The following PRKG1 variants were observed in gnomAD, a reference collection of about 807,000 sequenced individuals.
PRKG1 encodes the protein protein kinase cGMP-dependent 1.
PRKG1 carries 35 observed loss-of-function variants against 88.1 expected under a neutral mutation model. That is an observed-to-expected ratio of 0.40 (90% CI 0.30 to 0.53). The LOEUF (loss-of-function observed/expected upper bound fraction) is 0.53, where lower values mean the gene tolerates loss of function less well. PRKG1 is among the 20% of genes least tolerant of loss of function. The pLI, the probability that PRKG1 is intolerant of heterozygous loss-of-function variation, is 0.59. For missense variants in PRKG1, 540 were observed against 839.8 expected (o/e 0.64, Z 4.41); for synonymous variants, 303 against 292.5 (o/e 1.04, Z -0.37).
intron 2 of PRKG1, among the ~76,000 whole-genome samples, chr10:51,405,985 A>G (rs184917992): frequency 5.3e-4 from 81 of 152,244 alleles, no homozygotes; most frequent in Admixed American, 1.0e-3. Flanking sequence ...GCAATTTACC[A>G]TGCTGTTTGT....
At chr10:51,834,607 A>T (rs1392961392) in intron 4 of PRKG1, among the ~76,000 whole-genome samples, 2 of 151,700 alleles carry the variant, frequency 1.3e-5, no homozygotes, top group African/African-American at 4.8e-5. Context: ...TGACACTGTG[A>T]TACTACACTC....
At chr10:51,740,945 C>A (rs1837418130) in intron 3 of PRKG1, among the ~76,000 whole-genome samples, 1 of 149,802 alleles carries the variant, frequency 6.7e-6, no homozygotes, top group Non-Finnish European at 1.5e-5. Flanking sequence ...AAAAAAGCAT[C>A]AAGAGATTTG....
intron 5 of PRKG1, among the ~76,000 whole-genome samples, chr10:51,977,698 AT>A (rs1843882166): frequency 6.6e-6 from 1 of 151,968 alleles, no homozygotes; most frequent in South Asian, 2.1e-4. Flanking sequence ...TGTGGTTTTC[AT>A]TTGAATTTCT....
intron 1 of PRKG1, among the ~76,000 whole-genome samples, chr10:51,045,458 G>A (rs990366520): frequency 6.6e-6 from 1 of 152,004 alleles, no homozygotes; most frequent in Non-Finnish European, 1.5e-5. Flanking sequence ...AAGTAGCTGG[G>A]ACTACAGGCA....
intron 2 of PRKG1, among the ~76,000 whole-genome samples, chr10:51,210,166 C>G (rs1481065983): frequency 6.6e-6 from 1 of 152,154 alleles, no homozygotes; most frequent in Admixed American, 6.6e-5. Flanking sequence ...GAAACTCACT[C>G]AAAACCACTC....
intron 2 of PRKG1, among the ~76,000 whole-genome samples, chr10:51,214,710 T>C (rs1322900807): frequency 2.0e-5 from 3 of 152,012 alleles, no homozygotes; most frequent in African/African-American, 7.2e-5. Context: ...ACCGCTGAGC[T>C]CAAGCAGTCC....
At chr10:51,180,504 A>G (rs573242766) in intron 2 of PRKG1, among the ~76,000 whole-genome samples, 2 of 152,378 alleles carry the variant, frequency 1.3e-5, no homozygotes, top group South Asian at 4.1e-4. Context: ...GCAGACAAAG[A>G]TACCCATTGA....
At chr10:52,226,281 C>T (rs1416852527) in intron 9 of PRKG1, among the ~76,000 whole-genome samples, 2 of 152,090 alleles carry the variant, frequency 1.3e-5, no homozygotes, top group African/African-American at 4.8e-5. Flanking sequence ...AAGTTATTTA[C>T]CACAGTCTAT....
intron 4 of PRKG1, among the ~76,000 whole-genome samples, chr10:51,860,828 T>C (rs7071872): frequency 0.098 from 14,883 of 152,180 alleles, 987 homozygotes; most frequent in African/African-American, 0.18. Context: ...GGCAGAATAA[T>C]GGAAAGCATA....
intron 9 of PRKG1, among the ~76,000 whole-genome samples, chr10:52,249,933 C>T (rs150414543): frequency 2.0e-5 from 3 of 152,280 alleles, no homozygotes; most frequent in South Asian, 2.1e-4. Context: ...TATTCAACAA[C>T]GATCTCATTA....
chr10:51,414,642 C>G (rs969574771), intron 2 of PRKG1, among the ~76,000 whole-genome samples: 16 of 152,170 alleles, frequency 1.1e-4, no homozygotes. Flanking sequence ...ATCAGCTTTA[C>G]ACCCCTGTAA....
chr10:51,543,002 G>A lies in PRKG1; in HGVS notation c.592+75166G>A, dbSNP rs558499291. On this transcript the variant is annotated intron_variant, in intron 3 of 17. Transcript: ENST00000373980. ...TGTCAAACCCATAAACAGGAGTGGC[G>A]CACCTGGCATTCAAAACTATGTTTC... Among the ~76,000 whole-genome samples, 20 of 152,252 alleles carry A rather than the reference G, an allele frequency of 1.3e-4. No homozygotes were observed. The South Asian group carries it at 2.9e-3, about 22-fold the overall frequency.
intron 3 of PRKG1, among the ~76,000 whole-genome samples, chr10:51,748,290 A>G (rs922281072): frequency 4.6e-5 from 7 of 152,166 alleles, no homozygotes; most frequent in East Asian, 1.9e-4. Flanking sequence ...TTCTGATTCC[A>G]TGGTCACTGG....
intron 5 of PRKG1, among the ~76,000 whole-genome samples, chr10:51,930,342 C>T (rs1198068877): frequency 6.6e-6 from 1 of 151,914 alleles, no homozygotes; most frequent in African/African-American, 2.4e-5. Flanking sequence ...TATGAACATA[C>T]TTAATGCTAG....
chr10:52,061,696 C>T (rs1327944061), intron 6 of PRKG1, among the ~76,000 whole-genome samples: 2 of 152,040 alleles, frequency 1.3e-5, no homozygotes, highest in Non-Finnish European at 2.9e-5. Context: ...CAAAGAAATA[C>T]AACTTTCTTT....
intron 3 of PRKG1, among the ~76,000 whole-genome samples, chr10:51,614,495 A>G (rs575617205): frequency 1.4e-4 from 22 of 151,846 alleles, no homozygotes; most frequent in Admixed American, 1.2e-3. Context: ...GCCAGTCTAT[A>G]CTTTTTAAGT....
intron 2 of PRKG1, among the ~76,000 whole-genome samples, chr10:51,303,241 A>T (rs1442997878): frequency 6.6e-6 from 1 of 152,050 alleles, no homozygotes; most frequent in Non-Finnish European, 1.5e-5. Flanking sequence ...TCTCTCAAGG[A>T]CTTCCCAAGT....
intron 3 of PRKG1, among the ~76,000 whole-genome samples, chr10:51,739,469 A>G (rs1449376472): frequency 6.6e-6 from 1 of 152,198 alleles, no homozygotes; most frequent in African/African-American, 2.4e-5. Context: ...TTGAATTTTT[A>G]TATCCCCAAC....
At chr10:51,834,755 G>C (rs1564667199) in intron 4 of PRKG1, among the ~76,000 whole-genome samples, 1 of 151,220 alleles carries the variant, frequency 6.6e-6, no homozygotes, top group African/African-American at 2.4e-5. Context: ...AGAAAAGAAA[G>C]GAAAAGAAAA....
Sources: gnomAD v4.1 joint callset for allele counts (sites outside exome capture counted in the v4.1 genomes callset) on GRCh38, gnomAD v4.1.1 for gene constraint, MANE v1.5 for transcripts, NCBI Gene and HGNC (gene_info 2026-07-23, HGNC 2026-07-21) for gene names.